The following TTL variants were observed in gnomAD, a reference collection of about 807,000 sequenced individuals.
TTL encodes the protein tubulin tyrosine ligase, also known as tubulin--tyrosine ligase.
TTL carries 10 observed loss-of-function variants against 41.1 expected under a neutral mutation model. The ratio of observed to expected loss-of-function variants is 0.24; its 90% CI spans 0.15 to 0.41. The LOEUF is 0.41. Ranked by LOEUF, TTL falls within the 10% of genes least tolerant of loss-of-function variation. TTL has a pLI of 1.00. For synonymous variants in TTL, 175 were observed against 175.5 expected, an observed-to-expected ratio of 1.00 and a Z score of 0.02; for missense variants, 367 against 460.4, an observed-to-expected ratio of 0.80 and a Z score of 1.86.
intron 3 of TTL, among the ~76,000 whole-genome samples, chr2:112,496,444 A>G (rs1021682850): frequency 6.6e-6 from 1 of 152,218 alleles, no homozygotes; most frequent in South Asian, 2.1e-4. Context: ...AACTCTACCC[A>G]TTATGAAGCT....
At chr2:112,493,032 C>G (rs1681432278) in intron 2 of TTL, among the ~76,000 whole-genome samples, 1 of 152,188 alleles carries the variant, frequency 6.6e-6, no homozygotes, top group South Asian at 2.1e-4. Flanking sequence ...CGGAGTTGAA[C>G]TTTCAGTGAG....
At position 112,482,173 on chromosome 2, in the gene TTL, C is replaced by G. The variant is rs1466097061; in HGVS notation, c.-172C>G. The G allele has an allele frequency of 5.1e-6, 1 of 196,264 alleles. No individual in the cohort carries two copies. Among genetic ancestry groups the G allele is most frequent in the Non-Finnish European group, 8.9e-6 (1 of 111,896 alleles). The allele number at this position is 196,264 out of a possible 1,614,324, so 12.2% of individuals were successfully genotyped here. ...CGAGCGGCGCTTTCCTCTCCGGCAC[C>G]CGGCGGGCGCCCGGGCGCGGCGCCG... On this transcript the variant is annotated 5_prime_UTR_variant, in exon 1 of 7. Transcript: ENST00000233336. This position sits in a 1 kb window ranked among gnomAD's most constrained non-coding sequence, Gnocchi z 5.3.
At chr2:112,525,087 C>T (rs1300571280) in intron 6 of TTL, among the ~76,000 whole-genome samples, 1 of 152,242 alleles carries the variant, frequency 6.6e-6, no homozygotes, top group East Asian at 1.9e-4. Context: ...GTTTGTCAAA[C>T]ATCAGGTGGT....
chr2:112,486,009 C>T lies in TTL; in HGVS notation c.236+14C>T. ...TTCTTTAGTGAAGTAAGTGTTAAGACCGCTGTTTTCCATTTTTTACCTAAA... is the reference window on the plus strand; with the variant it reads ...TTCTTTAGTGAAGTAAGTGTTAAGATCGCTGTTTTCCATTTTTTACCTAAA... On this transcript the variant is annotated intron_variant, in intron 2 of 6. Coordinates refer to ENST00000233336, the MANE Select transcript of TTL (RefSeq NM_153712.5). The T allele has an allele frequency of 3.1e-6, 5 of 1,612,558 alleles. No homozygotes were observed. The highest frequency in any genetic ancestry group is 1.7e-6 in the Non-Finnish European group (2 of 1,179,334).
At chr2:112,516,523 A>C (rs913553382) in intron 5 of TTL, among the ~76,000 whole-genome samples, 1 of 152,126 alleles carries the variant, frequency 6.6e-6, no homozygotes, top group Non-Finnish European at 1.5e-5. Context: ...AAAATACAAA[A>C]ATTAGCCAGG....
rs1682319390 is a variant in TTL, at chr2:112,524,248, T to A, written c.1019+3823T>A. Among the ~76,000 whole-genome samples the A allele has an allele frequency of 2.0e-5, 3 of 152,244 alleles. 1 individual carries two copies. In the South Asian group the frequency reaches 6.2e-4, roughly 31 times the overall value. The stretch of plus-strand genomic sequence containing the variant: ...TTTGCTATTGTGAATAGTGCTACAA[T>A]AAACATACATGTGCATGTGTCTTTA... On this transcript the variant is annotated intron_variant, in intron 6 of 6. Transcript: ENST00000233336.
At chr2:112,503,235 C>T (rs1027693519) in intron 5 of TTL, 54 bp downstream of exon 5, 15 of 1,426,496 alleles carry the variant, frequency 1.1e-5, no homozygotes, top group Middle Eastern at 2.3e-4. Flanking sequence ...GGAGCTTTGG[C>T]GTCTATGCCT....
At position 112,529,307 on chromosome 2, in the gene TTL, C is replaced by T; in HGVS notation, c.*512C>T. On this transcript the variant is annotated 3_prime_UTR_variant, in exon 7 of 7. Coordinates refer to ENST00000233336, the MANE Select transcript of TTL (RefSeq NM_153712.5). ...TTAGTTTTGTGCTGTGCACTGGCCT[C>T]TCGGCAAAGGTGGTTTCCCTCATCA... 4.3e-6 allele frequency: 1 copy of T among 233,008 alleles called. No individual in the cohort carries two copies. The highest frequency in any genetic ancestry group is 8.5e-6 in the Non-Finnish European group (1 of 117,590). 14.4% of individuals were successfully genotyped at this position (233,008 alleles called of 1,614,324 possible). A position where few individuals can be genotyped will look rare whatever the true frequency, so the allele number is the denominator to read the frequency against.
rs1337962044 is a variant in TTL at position 112,494,353 on chromosome 2, A to G, written c.447A>G (p.Ala149=). The G allele has an allele frequency of 1.2e-6, 2 of 1,614,028 alleles. No individual in the cohort carries two copies. The highest frequency in any genetic ancestry group is 1.7e-6 in the Non-Finnish European group (2 of 1,179,988). The change falls in exon 3 of 7, where the codon GCA becomes GCG. Residue 149 remains alanine, a synonymous_variant. Transcript: ENST00000233336. ...KEDGEGNVWI[A]KSSAGAKGEG... is the part of the protein sequence containing the mutation. ...ATGGAGAGGGCAACGTTTGGATTGC[A>G]AAGTCATCAGCCGGTGCCAAAGGTG...
chr2:112,521,986 A>G (rs1426272172), intron 6 of TTL, among the ~76,000 whole-genome samples: 1 of 152,104 alleles, frequency 6.6e-6, no homozygotes, highest in African/African-American at 2.4e-5. Flanking sequence ...AGTCTCACCC[A>G]CTGTCCTTTC....
intron 5 of TTL, among the ~76,000 whole-genome samples, chr2:112,518,135 A>T (rs928117474): frequency 1.5e-5 from 2 of 135,930 alleles, no homozygotes; most frequent in Non-Finnish European, 1.6e-5. Context: ...CAGCCAACTA[A>T]TTTTTTTTTT....
At chr2:112,520,610 G>A (rs1245476768) in intron 6 of TTL, 185 bp downstream of exon 6, 4 of 631,178 alleles carry the variant, frequency 6.3e-6, no homozygotes, top group Non-Finnish European at 9.9e-6. Context: ...ATTTCCCCGT[G>A]TATAGGCCAG....
chr2:112,509,667 T>C (rs1158218191), intron 5 of TTL, among the ~76,000 whole-genome samples: 1 of 152,190 alleles, frequency 6.6e-6, no homozygotes, highest in African/African-American at 2.4e-5. Context: ...CTCGCCCTGC[T>C]TCGGCTCGCG....
Position 112,512,087 on chromosome 2 carries a change from GTTA to G in TTL, c.876-8177_876-8175del, listed in dbSNP as rs766118821. Among the ~76,000 whole-genome samples the G allele has an allele frequency of 5.3e-5, 8 of 151,096 alleles. No homozygotes were observed. The East Asian group carries it at 5.8e-4, about 11-fold the overall frequency. On this transcript the variant is annotated intron_variant, in intron 5 of 6. Transcript: ENST00000233336. ...GTTGGGTTTTGTATTTGTATTTATT[GTTA>G]TTATTATTATTATTATTTGAGACAG...
rs182566375 is a variant in TTL, at chr2:112,534,615, C to A, written c.*5820C>A. On this transcript the variant is annotated 3_prime_UTR_variant, in exon 7 of 7. Coordinates refer to ENST00000233336, the MANE Select transcript of TTL (RefSeq NM_153712.5). Reference sequence around the variant, plus strand: ...TATTTGATGTGACTAAGAGGTTACCCAGTGTGAACAACCTTTTCCCTGGGT... The same window carrying A: ...TATTTGATGTGACTAAGAGGTTACCAAGTGTGAACAACCTTTTCCCTGGGT... The A allele has an allele frequency of 2.0e-5, 3 of 152,296 alleles. No individual in the cohort carries two copies. The highest frequency in any genetic ancestry group is 2.0e-4 in the Admixed American group (3 of 15,280). The allele number at this position is 152,296 out of a possible 1,614,324, so 9.4% of individuals were successfully genotyped here.
At position 112,533,671 on chromosome 2, in the gene TTL, C is replaced by T. The variant is rs2104484493; in HGVS notation, c.*4876C>T. The T allele has an allele frequency of 6.6e-6, 1 of 152,300 alleles. No individual in the cohort carries two copies. The highest frequency in any genetic ancestry group is 6.5e-5 in the Admixed American group (1 of 15,294). 9.4% of individuals were successfully genotyped at this position (152,300 alleles called of 1,614,324 possible). A position where few individuals can be genotyped will look rare whatever the true frequency, so the allele number is the denominator to read the frequency against. The stretch of plus-strand genomic sequence containing the variant: ...CTCACCCTTTAACTAGCAACCCATT[C>T]CTGTGATAACTAACCCACTCCTGGC... On this transcript the variant is annotated 3_prime_UTR_variant, in exon 7 of 7. Transcript: ENST00000233336.
chr2:112,490,176 G>A (rs1681343330), intron 2 of TTL, among the ~76,000 whole-genome samples: 1 of 152,154 alleles, frequency 6.6e-6, no homozygotes, highest in African/African-American at 2.4e-5. Context: ...AACACTTTCA[G>A]AGGCCAAGGC....
At chr2:112,499,957 G>T (rs1440621423) in intron 3 of TTL, among the ~76,000 whole-genome samples, 1 of 152,162 alleles carries the variant, frequency 6.6e-6, no homozygotes, top group Non-Finnish European at 1.5e-5. Context: ...TTCATAAGAG[G>T]CAGACAAGAA....
At chr2:112,493,119 G>T (rs1264030070) in intron 2 of TTL, among the ~76,000 whole-genome samples, 3 of 152,150 alleles carry the variant, frequency 2.0e-5, no homozygotes, top group Non-Finnish European at 2.9e-5. Context: ...AAATAAATTT[G>T]TTTTTAATAT....
Sources: gnomAD v4.1 joint callset for allele counts (sites outside exome capture counted in the v4.1 genomes callset) on GRCh38, gnomAD v4.1.1 for gene constraint, Gnocchi (gnomAD v3.1) non-coding constraint, MANE v1.5 for transcripts, NCBI Gene and HGNC (gene_info 2026-07-23, HGNC 2026-07-21) for gene names.